The following MBD5 variants were observed in gnomAD, a reference collection of about 807,000 sequenced individuals.
MBD5 encodes the protein methyl-CpG binding domain protein 5.
MBD5 carries 13 observed loss-of-function variants against 117.3 expected under a neutral mutation model. The observed-to-expected ratio is 0.11, with a 90% CI of 0.07 to 0.18. The LOEUF is 0.18. Among genes scored for constraint, MBD5 ranks in the 10% least tolerant of loss-of-function variants. The pLI, the probability that MBD5 is intolerant of heterozygous loss-of-function variation, is 1.00. For synonymous variants in MBD5, 727 were observed against 766.4 expected, an observed-to-expected ratio of 0.95 and a Z score of 0.85; for missense variants, 1,879 against 2,093.8, an observed-to-expected ratio of 0.90 and a Z score of 2.00.
chr2:148,401,761 C>T (rs911192735), intron 4 of MBD5, among the ~76,000 whole-genome samples: 1 of 152,074 alleles, frequency 6.6e-6, no homozygotes, highest in African/African-American at 2.4e-5. Context: ...CTTTTCATTT[C>T]ACCAGTTATT....
chr2:148,040,504 A>T (rs1175213098), intron 1 of MBD5, among the ~76,000 whole-genome samples: 2 of 152,202 alleles, frequency 1.3e-5, no homozygotes, highest in Non-Finnish European at 2.9e-5. Context: ...AATAAAACTA[A>T]GTTACTTTGA....
At chr2:148,181,017 T>C (rs987533902) in intron 2 of MBD5, among the ~76,000 whole-genome samples, 2 of 152,216 alleles carry the variant, frequency 1.3e-5, no homozygotes, top group African/African-American at 4.8e-5. Flanking sequence ...AACCGCCACA[T>C]GTCTATATGT....
intron 4 of MBD5, among the ~76,000 whole-genome samples, chr2:148,409,080 A>G (rs1231319864): frequency 6.6e-6 from 1 of 152,062 alleles, no homozygotes; most frequent in Non-Finnish European, 1.5e-5. Context: ...ACTTGTGTAT[A>G]TTGTCTAAAA....
chr2:148,340,879 G>A (rs1182714191), intron 3 of MBD5, among the ~76,000 whole-genome samples: 4 of 135,574 alleles, frequency 3.0e-5, no homozygotes, highest in African/African-American at 1.1e-4. Flanking sequence ...CACACACATA[G>A]CATTTATTAT....
intron 3 of MBD5, among the ~76,000 whole-genome samples, chr2:148,234,913 C>T (rs1456325706): frequency 6.6e-6 from 1 of 152,042 alleles, no homozygotes; most frequent in Non-Finnish European, 1.5e-5. Flanking sequence ...AAAAATTGAT[C>T]ATTGTTTAAT....
chr2:148,084,530 G>A (rs1287469972), intron 1 of MBD5, among the ~76,000 whole-genome samples: 1 of 152,050 alleles, frequency 6.6e-6, no homozygotes, highest in East Asian at 1.9e-4. Context: ...TCTTTCCATG[G>A]AAATTTAGGC....
intron 4 of MBD5, among the ~76,000 whole-genome samples, chr2:148,405,377 C>T (rs1217411771): frequency 1.3e-5 from 2 of 152,192 alleles, no homozygotes; most frequent in African/African-American, 4.8e-5. Flanking sequence ...CTTCCCACAA[C>T]TAAGTAAGAT....
chr2:148,178,372 A>T (rs779191016), intron 1 of MBD5, among the ~76,000 whole-genome samples: 1 of 152,194 alleles, frequency 6.6e-6, no homozygotes, highest in Non-Finnish European at 1.5e-5. Flanking sequence ...GGCTCTGTTC[A>T]TGCAGGACAC....
intron 4 of MBD5, among the ~76,000 whole-genome samples, chr2:148,392,289 T>C (rs758035473): frequency 1.3e-5 from 2 of 152,288 alleles, no homozygotes; most frequent in Non-Finnish European, 2.9e-5. Context: ...TTAGCAAAAA[T>C]AAACTGGGGA....
At chr2:148,256,737 A>C (rs1429790330) in intron 3 of MBD5, among the ~76,000 whole-genome samples, 1 of 152,230 alleles carries the variant, frequency 6.6e-6, no homozygotes, top group African/African-American at 2.4e-5. Context: ...TGGCCTATCG[A>C]GAATGGGGGG....
intron 2 of MBD5, among the ~76,000 whole-genome samples, chr2:148,183,699 C>T (rs1270364701): frequency 6.6e-6 from 1 of 152,072 alleles, no homozygotes; most frequent in Non-Finnish European, 1.5e-5. Flanking sequence ...AAAAACAGCA[C>T]ATTTTCCCAA....
chr2:148,046,763 T>A (rs1694546678), intron 1 of MBD5, among the ~76,000 whole-genome samples: 1 of 152,242 alleles, frequency 6.6e-6, no homozygotes, highest in African/African-American at 2.4e-5. Context: ...GACTTTTCTG[T>A]ACTCTGGGCC....
chr2:148,244,910 A>G (rs889581466), intron 3 of MBD5, among the ~76,000 whole-genome samples: 4 of 152,172 alleles, frequency 2.6e-5, no homozygotes, highest in Non-Finnish European at 4.4e-5. Context: ...CCAACTGTAA[A>G]AAGTTACTAC....
At chr2:148,491,555 A>G (rs1342306662) in intron 11 of MBD5, among the ~76,000 whole-genome samples, 2 of 152,054 alleles carry the variant, frequency 1.3e-5, no homozygotes, top group Admixed American at 6.5e-5. Context: ...TTTCACTGGC[A>G]CTTAGGTTTA....
chr2:148,294,503 T>TTTTTTTTTTGTTTGTTTTG (rs1701593670), intron 3 of MBD5, among the ~76,000 whole-genome samples: 2 of 17,828 alleles, frequency 1.1e-4, no homozygotes, highest in African/African-American at 3.5e-4. Flanking sequence ...GGATTACAGT[T>TTTTTTTTTTGTTTGTTTTG]TTTTTTTTTT....
At chr2:148,364,555 CAA>C (rs1321339758) in intron 4 of MBD5, among the ~76,000 whole-genome samples, 1 of 152,014 alleles carries the variant, frequency 6.6e-6, no homozygotes, top group Non-Finnish European at 1.5e-5. Flanking sequence ...GCAAATCGGA[CAA>C]AGTGTCAAGA....
chr2:148,397,261 T>A (rs553702379), intron 4 of MBD5, among the ~76,000 whole-genome samples: 1 of 152,188 alleles, frequency 6.6e-6, no homozygotes, highest in East Asian at 1.9e-4. Context: ...ATATTTGGCT[T>A]TATTATTCTC....
intron 1 of MBD5, among the ~76,000 whole-genome samples, chr2:148,107,812 A>G (rs576148988): frequency 4.7e-4 from 72 of 152,242 alleles, no homozygotes; most frequent in African/African-American, 1.5e-3. Flanking sequence ...TATGTTTTAC[A>G]TATAATGTCT....
At chr2:148,224,253 G>C (rs1190021381) in intron 2 of MBD5, among the ~76,000 whole-genome samples, 2 of 152,180 alleles carry the variant, frequency 1.3e-5, no homozygotes, top group African/African-American at 2.4e-5. Context: ...AGTGCAGATT[G>C]TCCAATGTTG....
Sources: gnomAD v4.1 joint callset for allele counts (sites outside exome capture counted in the v4.1 genomes callset) on GRCh38, gnomAD v4.1.1 for gene constraint, MANE v1.5 for transcripts, NCBI Gene and HGNC (gene_info 2026-07-23, HGNC 2026-07-21) for gene names.